BEND2: variants seen among roughly 807,000 people sequenced by gnomAD.
BEND2 encodes the protein BEN domain containing 2, also known as BEN domain-containing protein 2.
Under a neutral mutation model 43.8 loss-of-function variants are expected in BEND2, and 19 were observed. That is an observed-to-expected ratio of 0.43 (90% CI 0.30 to 0.64). The LOEUF is 0.64. Ranked by LOEUF, BEND2 falls within the 30% of genes least tolerant of loss-of-function variation. The pLI is 0.11. For missense variants in BEND2, 544 were observed against 574.0 expected (o/e 0.95, Z 0.53); for synonymous variants, 226 against 210.1 (o/e 1.08, Z -0.66).
intron 8 of BEND2, among the ~76,000 whole-genome samples, chrX:18,188,460 G>A (rs368890765): frequency 1.1e-4 from 12 of 111,395 alleles, no homozygotes; most frequent in African/African-American, 3.3e-4. Context: ...AACTGATACC[G>A]CAGAAATTCA....
rs905620754 is a variant in BEND2 at position 18,200,926 on chromosome X, C to T, written c.1033+889G>A. Among the ~76,000 whole-genome samples, 15 of 112,165 alleles carry T rather than the reference C, an allele frequency of 1.3e-4. 1 individual carries two copies. Among genetic ancestry groups the T allele is most frequent in the Non-Finnish European group, 2.3e-4 (12 of 53,247 alleles). On this transcript the variant is annotated intron_variant, in intron 6 of 13. Transcript: ENST00000380033. ...GTAAGATCTGTGGAGTGTATCAATGCCACTACCTTGGATGTGATATTTTAC... is the reference window on the plus strand; with the variant it reads ...GTAAGATCTGTGGAGTGTATCAATGTCACTACCTTGGATGTGATATTTTAC...
intron 1 of BEND2, among the ~76,000 whole-genome samples, chrX:18,219,595 A>G (rs1267571421): frequency 5.3e-5 from 6 of 112,776 alleles, no homozygotes; most frequent in Non-Finnish European, 9.4e-5. Context: ...CAACTCGGGA[A>G]TTTGTCAATT....
chrX:18,182,774 C>T (rs1286254677), intron 8 of BEND2, among the ~76,000 whole-genome samples: 1 of 111,298 alleles, frequency 9.0e-6, no homozygotes, highest in Non-Finnish European at 1.9e-5. Context: ...GCACGGGGGG[C>T]TTATGCCTGT....
intron 8 of BEND2, among the ~76,000 whole-genome samples, chrX:18,190,224 G>A (rs1032131031): frequency 1.8e-5 from 2 of 111,138 alleles, no homozygotes; most frequent in African/African-American, 6.6e-5. Flanking sequence ...TGCACTCTTC[G>A]GCATTTATCA....
chrX:18,196,814 G>T (rs939402106), intron 6 of BEND2, among the ~76,000 whole-genome samples: 2 of 111,220 alleles, frequency 1.8e-5, no homozygotes, highest in Non-Finnish European at 3.8e-5. Flanking sequence ...GGGAAGAAAA[G>T]GGTGACCTGA....
chrX:18,190,695 TTA>T (rs1924736467), intron 8 of BEND2, among the ~76,000 whole-genome samples: 1 of 109,044 alleles, frequency 9.2e-6, no homozygotes, highest in Admixed American at 9.9e-5. Context: ...TTAGGTTTAT[TTA>T]TGACTGAAAG....
At chrX:18,166,841 G>A (rs1249275810) in intron 13 of BEND2, among the ~76,000 whole-genome samples, 1 of 110,670 alleles carries the variant, frequency 9.0e-6, no homozygotes, top group East Asian at 2.8e-4. Flanking sequence ...AGTGAACCAT[G>A]ATCTAGCCAC....
At chrX:18,199,484 G>A (rs747844359) in intron 6 of BEND2, among the ~76,000 whole-genome samples, 1 of 112,191 alleles carries the variant, frequency 8.9e-6, no homozygotes, top group Admixed American at 9.4e-5. Context: ...ACACAGAGAT[G>A]TGGATTTAAT....
chrX:18,176,017 G>T lies in BEND2; in HGVS notation c.1707C>A (p.Ile569=), dbSNP rs757029649. The part of the protein sequence containing the change: ...GKDWQDCISG[I]NSMIYCLCSE... ...AACATAAACAGTAGATCATAGAATT[G>T]ATACCAGAAATACAGTCCTGCCAGT... is the stretch of plus-strand genomic sequence containing the variant. The change falls in exon 11 of 14, where the codon ATC becomes ATA. Residue 569 remains isoleucine (I), a synonymous_variant. Coordinates refer to ENST00000380033, the MANE Select transcript of BEND2 (RefSeq NM_153346.5). 1 of 1,197,579 alleles carries T rather than the reference G, an allele frequency of 8.4e-7. No homozygotes were observed. Among genetic ancestry groups the T allele is most frequent in the Admixed American group, 2.2e-5 (1 of 45,085 alleles).
At position 18,165,140 on chromosome X, in the gene BEND2, C is replaced by T. The variant is rs1050510263; in HGVS notation, c.2269G>A (p.Gly757Ser). The change falls in exon 14 of 14, where the codon GGT (glycine) becomes AGT (serine). Residue 757 changes from glycine (G) to serine (S), a missense_variant. By Grantham distance (56) the Gly-to-Ser change is moderately conservative. Around this residue, in one of 2 missense-constraint regions of BEND2, gnomAD observed 43 missense variants for 72.4 expected, o/e 0.59. Coordinates refer to ENST00000380033, the MANE Select transcript of BEND2 (RefSeq NM_153346.5). ...ACGTCATGTCTAAGGCTACGGATAC[C>T]GCTGTTGATGGAGGTCACACACGAC... ...WKSCVTSINS[G>S]IRSLRHDVRR... is the part of the protein sequence containing the mutation. The T allele has an allele frequency of 3.3e-6, 4 of 1,208,165 alleles. No homozygotes were observed. Among genetic ancestry groups the T allele is most frequent in the African/African-American group, 1.8e-5 (1 of 56,964 alleles).
At chrX:18,198,893 TC>T (rs1462827341) in intron 6 of BEND2, among the ~76,000 whole-genome samples, 1 of 106,958 alleles carries the variant, frequency 9.3e-6, no homozygotes, top group Non-Finnish European at 1.9e-5. Flanking sequence ...TGAGTTCATG[TC>T]CTTTGTAGGG....
chrX:18,181,497 A>C (rs1276025451), intron 8 of BEND2, among the ~76,000 whole-genome samples: 4 of 111,972 alleles, frequency 3.6e-5, no homozygotes, highest in African/African-American at 6.5e-5. Context: ...AAAATGAAGA[A>C]GAGAAAGAGC....
chrX:18,164,943 G>A lies in BEND2; in HGVS notation c.*66C>T. 1 of 1,095,061 alleles carries A rather than the reference G, an allele frequency of 9.1e-7. No homozygotes were observed. The highest frequency in any genetic ancestry group is 1.2e-6 in the Non-Finnish European group (1 of 820,730). 90.2% of individuals were successfully genotyped at this position (1,095,061 alleles called of 1,213,427 possible). A position where few individuals can be genotyped will look rare whatever the true frequency, so the allele number is the denominator to read the frequency against. Reference sequence around the variant, plus strand: ...GTACAGCAGGCTGATTTTGGAATTAGAACTTGAGAAACTTACAAAATAGTC... The same window carrying A: ...GTACAGCAGGCTGATTTTGGAATTAAAACTTGAGAAACTTACAAAATAGTC... On this transcript the variant is annotated 3_prime_UTR_variant, in exon 14 of 14. Coordinates refer to ENST00000380033, the MANE Select transcript of BEND2 (RefSeq NM_153346.5).
At chrX:18,180,784 T>A in intron 8 of BEND2, 134 bp from the exon 9 acceptor site, 2 of 474,417 alleles carry the variant, frequency 4.2e-6, no homozygotes, top group South Asian at 7.3e-5. Flanking sequence ...TTTTTTTTTT[T>A]CTTTCTTTCT....
chrX:18,168,636 G>T (rs1480523759), intron 13 of BEND2, among the ~76,000 whole-genome samples: 1 of 111,254 alleles, frequency 9.0e-6, no homozygotes, highest in Non-Finnish European at 1.9e-5. Context: ...TTCGCTAATT[G>T]CAAATCTGCC....
intron 7 of BEND2, among the ~76,000 whole-genome samples, chrX:18,193,329 A>AAAAAT (rs1924835894): frequency 9.9e-6 from 1 of 100,636 alleles, no homozygotes; most frequent in Non-Finnish European, 2.0e-5. Flanking sequence ...TCTGTCTCAC[A>AAAAAT]AAAAGAAAAG....
chrX:18,212,746 G>A lies in BEND2; in HGVS notation c.377-66C>T, dbSNP rs1222300964. The A allele has an allele frequency of 1.6e-5, 11 of 703,514 alleles. No homozygotes were observed. In the Admixed American group the frequency reaches 1.7e-4, roughly 11 times the overall value. 58.0% of individuals were successfully genotyped at this position (703,514 alleles called of 1,213,427 possible). Reference sequence around the variant, plus strand: ...CTCTTAATAACCTTAATACGGATATGCTCTCAGAATGCTAACTCAAATTGA... The same window carrying A: ...CTCTTAATAACCTTAATACGGATATACTCTCAGAATGCTAACTCAAATTGA... On this transcript the variant is annotated intron_variant, in intron 3 of 13. Transcript: ENST00000380033.
In BEND2 at chrX:18,176,368, C is replaced by CAAA. The variant is rs57898259; in HGVS notation, c.1631-278_1631-276dup. On this transcript the variant is annotated intron_variant, in intron 10 of 13. Coordinates refer to ENST00000380033, the MANE Select transcript of BEND2 (RefSeq NM_153346.5). ...AAGCTAATATTGAGCTCTTGGTGCT[C>CAAA]AAAAAAAAAAAAAAAAAAAAAGTGT... is the stretch of plus-strand genomic sequence containing the variant. Among the ~76,000 whole-genome samples the CAAA allele has an allele frequency of 6.7e-3, 389 of 58,224 alleles. 7 individuals are homozygous for CAAA. The highest frequency in any genetic ancestry group is 0.025 in the African/African-American group (353 of 14,234). 50.6% of individuals were successfully genotyped at this position (58,224 alleles called of 115,157 possible). A position where few individuals can be genotyped will look rare whatever the true frequency, so the allele number is the denominator to read the frequency against.
At chrX:18,184,547 C>T (rs1302716056) in intron 8 of BEND2, among the ~76,000 whole-genome samples, 4 of 111,669 alleles carry the variant, frequency 3.6e-5, no homozygotes, top group Non-Finnish European at 5.6e-5. Context: ...CCTAGATCAC[C>T]AAGGCGGCAC....
Sources: gnomAD v4.1 joint callset for allele counts (sites outside exome capture counted in the v4.1 genomes callset) on GRCh38, gnomAD v4.1.1 for gene constraint, gnomAD v4.1.1 regional missense constraint, MANE v1.5 for transcripts, NCBI Gene and HGNC (gene_info 2026-07-23, HGNC 2026-07-21) for gene names.